The following TBC1D32 variants were observed in gnomAD, a reference collection of about 807,000 sequenced individuals.
TBC1D32 encodes the protein protein broad-minded.
In TBC1D32, 151 loss-of-function variants were observed where a neutral mutation model predicts 170.3. That is an observed-to-expected ratio of 0.89 (90% CI 0.78 to 1.01). The LOEUF (loss-of-function observed/expected upper bound fraction) is 1.01. Ranked by LOEUF, TBC1D32 falls within the 50% of genes least tolerant of loss-of-function variation. The pLI, the probability that TBC1D32 is intolerant of heterozygous loss-of-function variation, is 0.00. For synonymous variants in TBC1D32, 498 were observed against 488.0 expected (o/e 1.02, Z -0.27); for missense variants, 1,464 against 1,457.1 (o/e 1.00, Z -0.08).
chr6:121,279,680 T>C (rs1392690936), intron 14 of TBC1D32, among the ~76,000 whole-genome samples: 1 of 151,972 alleles, frequency 6.6e-6, no homozygotes, highest in Non-Finnish European at 1.5e-5. Flanking sequence ...GTTTGCGTCA[T>C]GAATGTACAT....
chr6:121,093,425 T>C (rs1164956231), intron 30 of TBC1D32, among the ~76,000 whole-genome samples: 3 of 152,166 alleles, frequency 2.0e-5, no homozygotes, highest in Admixed American at 6.6e-5. Context: ...CAGCTATTAA[T>C]GCCAATCAAC....
intron 17 of TBC1D32, among the ~76,000 whole-genome samples, chr6:121,252,038 A>G (rs911224238): frequency 6.6e-6 from 1 of 152,236 alleles, no homozygotes; most frequent in Non-Finnish European, 1.5e-5. Flanking sequence ...ATCTCATGCC[A>G]GTTAGAATGA....
At chr6:121,162,341 T>A (rs891654532) in intron 22 of TBC1D32, among the ~76,000 whole-genome samples, 1 of 152,292 alleles carries the variant, frequency 6.6e-6, no homozygotes, top group Admixed American at 6.5e-5. Flanking sequence ...TGGGTTTACA[T>A]TGAAGTATTT....
chr6:121,097,592 G>A (rs566336408), intron 30 of TBC1D32, among the ~76,000 whole-genome samples: 8 of 152,114 alleles, frequency 5.3e-5, no homozygotes, highest in Admixed American at 2.0e-4. Flanking sequence ...TACACTTTTG[G>A]TGGGAGTGTA....
chr6:121,178,281 A>C (rs944169128), intron 22 of TBC1D32, among the ~76,000 whole-genome samples: 30 of 152,126 alleles, frequency 2.0e-4, no homozygotes, highest in African/African-American at 6.3e-4. Context: ...TCCTGATTAC[A>C]TAGTCATCCA....
At chr6:121,193,049 A>G (rs1352314146) in intron 22 of TBC1D32, among the ~76,000 whole-genome samples, 1 of 152,194 alleles carries the variant, frequency 6.6e-6, no homozygotes, top group African/African-American at 2.4e-5. Context: ...ACTAGAAAAG[A>G]ACTGCTTGAG....
At chr6:121,182,048 T>C (rs1385904024) in intron 22 of TBC1D32, among the ~76,000 whole-genome samples, 2 of 151,992 alleles carry the variant, frequency 1.3e-5, no homozygotes, top group African/African-American at 2.4e-5. Context: ...GACATATAAA[T>C]GTAAAAACCC....
chr6:121,258,757 C>G (rs1314825684), intron 15 of TBC1D32, among the ~76,000 whole-genome samples: 1 of 152,062 alleles, frequency 6.6e-6, no homozygotes, highest in Non-Finnish European at 1.5e-5. Context: ...CACAGAAGTA[C>G]ACAAAAATAT....
chr6:121,174,769 G>A (rs1787527224), intron 22 of TBC1D32, among the ~76,000 whole-genome samples: 1 of 152,106 alleles, frequency 6.6e-6, no homozygotes. Flanking sequence ...ACTGAATCAT[G>A]CCTGTAATCC....
At chr6:121,220,996 G>A (rs1448233385) in intron 21 of TBC1D32, among the ~76,000 whole-genome samples, 2 of 77,450 alleles carry the variant, frequency 2.6e-5, no homozygotes, top group Non-Finnish European at 1.0e-4. Flanking sequence ...TACCGTCTAG[G>A]ATTTTCATAG....
At chr6:121,130,864 A>T (rs1562583386) in intron 25 of TBC1D32, among the ~76,000 whole-genome samples, 1 of 152,144 alleles carries the variant, frequency 6.6e-6, no homozygotes, top group Non-Finnish European at 1.5e-5. Flanking sequence ...TGGGGGGATA[A>T]AACATAGTTT....
At chr6:121,270,415 A>G (rs1001866803) in intron 15 of TBC1D32, among the ~76,000 whole-genome samples, 2 of 152,198 alleles carry the variant, frequency 1.3e-5, no homozygotes, top group Non-Finnish European at 1.5e-5. Context: ...GTAATAAAAA[A>G]TGATAAAGGG....
intron 24 of TBC1D32, among the ~76,000 whole-genome samples, chr6:121,151,379 T>C (rs1320357572): frequency 6.6e-6 from 1 of 152,224 alleles, no homozygotes; most frequent in Non-Finnish European, 1.5e-5. Flanking sequence ...TTTATTATGA[T>C]TTCCATTCTT....
intron 24 of TBC1D32, among the ~76,000 whole-genome samples, chr6:121,139,002 G>A (rs1320271169): frequency 1.3e-5 from 2 of 151,808 alleles, no homozygotes; most frequent in South Asian, 2.1e-4. Flanking sequence ...CCGCCACCAC[G>A]CCTGGCTAAT....
intron 1 of TBC1D32, among the ~76,000 whole-genome samples, chr6:121,330,067 G>A (rs985857956): frequency 2.6e-5 from 4 of 151,940 alleles, no homozygotes; most frequent in Admixed American, 2.0e-4. Flanking sequence ...TATTTATTTT[G>A]TTTTATTTTG....
intron 24 of TBC1D32, among the ~76,000 whole-genome samples, chr6:121,133,877 T>G (rs1398025998): frequency 6.6e-6 from 1 of 151,870 alleles, no homozygotes; most frequent in African/African-American, 2.4e-5. Context: ...AGAGAAAAAT[T>G]ATCAAGCATT....
intron 24 of TBC1D32, among the ~76,000 whole-genome samples, chr6:121,154,805 T>A (rs58945053): frequency 0.018 from 2,735 of 152,260 alleles, 84 homozygotes; most frequent in African/African-American, 0.062. Context: ...GAAAAAGGTC[T>A]AATAGTAAGT....
chr6:121,321,297 C>T (rs1364256406), intron 2 of TBC1D32, among the ~76,000 whole-genome samples: 2 of 152,074 alleles, frequency 1.3e-5, no homozygotes, highest in African/African-American at 2.4e-5. Flanking sequence ...CAAATCCCTC[C>T]GGGAGGGACT....
intron 21 of TBC1D32, among the ~76,000 whole-genome samples, chr6:121,211,661 G>A (rs972305852): frequency 3.9e-5 from 6 of 152,002 alleles, no homozygotes; most frequent in African/African-American, 1.2e-4. Context: ...CTTTATTATG[G>A]CTGAGTAGTA....
Sources: gnomAD v4.1 joint callset for allele counts (sites outside exome capture counted in the v4.1 genomes callset) on GRCh38, gnomAD v4.1.1 for gene constraint, MANE v1.5 for transcripts, NCBI Gene and HGNC (gene_info 2026-07-23, HGNC 2026-07-21) for gene names.